Variants in AKAP13 observed in about 807,000 individuals in gnomAD.
The protein encoded by AKAP13 is A-kinase anchoring protein 13.
In AKAP13, 80 loss-of-function variants were observed where a neutral mutation model predicts 264.5. That is an observed-to-expected ratio of 0.30 (90% CI 0.25 to 0.36). The LOEUF is 0.36. Ranked by LOEUF, AKAP13 falls within the 10% of genes least tolerant of loss-of-function variation. AKAP13 has a pLI of 1.00. For missense variants in AKAP13, 3,712 were observed against 3,435.2 expected, an observed-to-expected ratio of 1.08 and a Z score of -2.01; for synonymous variants, 1,380 against 1,250.2, an observed-to-expected ratio of 1.10 and a Z score of -2.19.
chr15:85,442,670 C>T (rs1317500778), intron 1 of AKAP13, among the ~76,000 whole-genome samples: 5 of 150,158 alleles, frequency 3.3e-5, no homozygotes, highest in Non-Finnish European at 1.5e-5. Flanking sequence ...TGGAAATTAC[C>T]ACAAGTATGA....
chr15:85,650,184 C>A (rs1471568693), intron 10 of AKAP13, among the ~76,000 whole-genome samples: 2 of 152,138 alleles, frequency 1.3e-5, no homozygotes, highest in African/African-American at 4.8e-5. Context: ...AATCCCAACA[C>A]TTCGGGAGGC....
rs1399052591 is a variant in AKAP13, at chr15:85,522,909, C to CA, written c.181+1334_181+1335insA. ...GCTTATGAGGTCAGATACCAGCCAC[C>CA]CCCCCCACCCCCACCCACACCCCCT... is the stretch of plus-strand genomic sequence containing the variant. On this transcript the variant is annotated intron_variant, in intron 3 of 36. Transcript: ENST00000394518. Among the ~76,000 whole-genome samples the CA allele has an allele frequency of 1.5e-4, 20 of 131,712 alleles. No homozygotes were observed. The East Asian group carries it at 4.9e-3, about 32-fold the overall frequency. 86.4% of individuals were successfully genotyped at this position (131,712 alleles called of 152,430 possible).
chr15:85,605,558 G>A (rs1411736111), intron 8 of AKAP13, among the ~76,000 whole-genome samples: 1 of 152,100 alleles, frequency 6.6e-6, no homozygotes. Flanking sequence ...ATTGATAGGT[G>A]CAGCAAACAA....
At chr15:85,491,100 G>C (rs2075708578) in intron 2 of AKAP13, among the ~76,000 whole-genome samples, 1 of 152,110 alleles carries the variant, frequency 6.6e-6, no homozygotes, top group African/African-American at 2.4e-5. Context: ...AAGGGGAAGG[G>C]GTCCAATCTC....
chr15:85,582,185 T>C (rs1348160178), intron 7 of AKAP13, 78 bp downstream of exon 7: 10 of 1,448,810 alleles, frequency 6.9e-6, no homozygotes, highest in Non-Finnish European at 7.3e-6. Flanking sequence ...CTGGTAAAAA[T>C]ATAGGCATCT....
chr15:85,391,334 G>A (rs945693036), intron 1 of AKAP13, among the ~76,000 whole-genome samples: 3 of 152,122 alleles, frequency 2.0e-5, no homozygotes, highest in Non-Finnish European at 4.4e-5. Flanking sequence ...AGATAATGAC[G>A]TTTTTATGTG....
chr15:85,516,681 T>G (rs1452712904), intron 2 of AKAP13, among the ~76,000 whole-genome samples: 2 of 152,216 alleles, frequency 1.3e-5, no homozygotes, highest in African/African-American at 4.8e-5. Context: ...TCTGCTGACC[T>G]GTTCTCAGTG....
At chr15:85,704,949 G>T (rs1186688530) in intron 17 of AKAP13, among the ~76,000 whole-genome samples, 2 of 152,140 alleles carry the variant, frequency 1.3e-5, no homozygotes, top group Admixed American at 1.3e-4. Flanking sequence ...AGGACAACTT[G>T]GAAACAAGTT....
At chr15:85,449,023 C>T (rs763635168) in intron 1 of AKAP13, among the ~76,000 whole-genome samples, 8 of 152,052 alleles carry the variant, frequency 5.3e-5, no homozygotes, top group Non-Finnish European at 1.0e-4. Context: ...ATTGATTCTT[C>T]CTATCCATGA....
At chr15:85,635,072 T>G in intron 8 of AKAP13, 1 of 398,264 alleles carries the variant, frequency 2.5e-6, no homozygotes. Context: ...GTTTTGATTC[T>G]TCTTCGGTAA....
chr15:85,507,656 A>G (rs990521952), intron 2 of AKAP13, among the ~76,000 whole-genome samples: 3 of 152,218 alleles, frequency 2.0e-5, no homozygotes, highest in Admixed American at 6.5e-5. Flanking sequence ...CTTTTAGTCA[A>G]CCAATTTGGA....
At chr15:85,562,698 T>TC (rs1567126778) in intron 5 of AKAP13, among the ~76,000 whole-genome samples, 18 of 129,546 alleles carry the variant, frequency 1.4e-4, no homozygotes, top group Non-Finnish European at 2.8e-4. Context: ...TTTCTTTTTT[T>TC]TTTTTTTTTT....
chr15:85,601,373 C>G lies in AKAP13; in HGVS notation c.4161+15550C>G, dbSNP rs1205462006. Among the ~76,000 whole-genome samples, 4 of 152,132 alleles carry G rather than the reference C, an allele frequency of 2.6e-5. No individual in the cohort carries two copies. In the East Asian group the frequency reaches 7.7e-4, roughly 29 times the overall value. ...GTTTATTGTTCTTGCTGTAATTACT[C>G]TTAATTCACCAGCATCATTCATAAT... On this transcript the variant is annotated intron_variant, in intron 8 of 36. Coordinates refer to ENST00000394518, the MANE Select transcript of AKAP13 (RefSeq NM_007200.5).
intron 1 of AKAP13, among the ~76,000 whole-genome samples, chr15:85,424,418 T>C (rs2072671572): frequency 6.6e-6 from 1 of 152,230 alleles, no homozygotes; most frequent in Non-Finnish European, 1.5e-5. Flanking sequence ...AATGCTCTGC[T>C]AGCTTGCTAG....
rs199636565 is a variant in AKAP13 at position 85,429,579 on chromosome 15, C to G, written c.-12+48781C>G. Among the ~76,000 whole-genome samples, 4 of 152,274 alleles carry G rather than the reference C, an allele frequency of 2.6e-5. No homozygotes were observed. In the East Asian group the frequency reaches 7.7e-4, roughly 29 times the overall value. On this transcript the variant is annotated intron_variant, in intron 1 of 36. Transcript: ENST00000394518. Reference sequence around the variant, plus strand: ...GATTCGGTTTGGGAGTTAAAGTGTGCACATAATTGGTGAGTATGATAAGTG... The same window carrying G: ...GATTCGGTTTGGGAGTTAAAGTGTGGACATAATTGGTGAGTATGATAAGTG...
chr15:85,414,939 C>T (rs1008689961), intron 1 of AKAP13, among the ~76,000 whole-genome samples: 1 of 151,768 alleles, frequency 6.6e-6, no homozygotes, highest in African/African-American at 2.4e-5. Context: ...GCAATTGGTG[C>T]TTTAGGATGG....
Position 85,581,472 on chromosome 15 carries a change from C to G in AKAP13, c.3404C>G (p.Ala1135Gly). 6 of 1,614,182 alleles carry G rather than the reference C, an allele frequency of 3.7e-6. No homozygotes were observed. The highest frequency in any genetic ancestry group is 5.1e-6 in the Non-Finnish European group (6 of 1,180,034). ...AATGCCGTTCTAGGTTTGCCAGTGG[C>G]TCTACAGGACAAAGCTGTGACTGAC... ...EKNAVLGLPV[A>G]LQDKAVTDPQ... Residue 1135 changes from alanine to glycine, a missense_variant, in exon 7 of 37, where the codon GCT becomes GGT. Coordinates refer to ENST00000394518, the MANE Select transcript of AKAP13 (RefSeq NM_007200.5).
intron 17 of AKAP13, among the ~76,000 whole-genome samples, chr15:85,697,001 C>T (rs1399967800): frequency 1.3e-5 from 2 of 152,170 alleles, no homozygotes; most frequent in Non-Finnish European, 2.9e-5. Context: ...CAAGTTTACA[C>T]CGTCTGTATG....
At chr15:85,693,118 T>A (rs1361706581) in intron 16 of AKAP13, 159 bp from the exon 17 acceptor site, 6 of 1,310,670 alleles carry the variant, frequency 4.6e-6, no homozygotes, top group Non-Finnish European at 5.9e-6. Flanking sequence ...CGCCTTAATT[T>A]AAAAAAACAA....
Sources: allele counts gnomAD v4.1 joint callset (sites outside exome capture counted in the v4.1 genomes callset), GRCh38; gene constraint gnomAD v4.1.1; transcripts MANE v1.5; gene names NCBI Gene and HGNC (gene_info 2026-07-23, HGNC 2026-07-21).